HRK: variants seen among roughly 807,000 people sequenced by gnomAD.
HRK encodes activator of apoptosis harakiri.
A neutral mutation model predicts 5.9 loss-of-function variants in HRK; 6 were observed. The observed-to-expected ratio is 1.02, with a 90% CI of 0.56 to 2.01. The LOEUF is 2.01. Ranked by LOEUF, HRK falls within the 30% of genes most tolerant of loss-of-function variation. The pLI, the probability that HRK is intolerant of heterozygous loss-of-function variation, is 0.00. For missense variants in HRK, 133 were observed against 128.3 expected (o/e 1.04, Z -0.18); for synonymous variants, 85 against 65.1 (o/e 1.31, Z -1.47).
rs1403928572 is a variant in HRK, at chr12:116,862,701, T to A, written c.*57-1235A>T. 6.7e-6 allele frequency among the ~76,000 whole-genome samples: 1 copy of A among 149,256 alleles called. No individual in the cohort carries two copies. The highest frequency in any genetic ancestry group is 2.0e-4 in the East Asian group (1 of 5,074). ...CATTGACTTGTACACCTTAAAAAGG[T>A]AGGGTTTTTTGTTTGTTTGTTTGTT... On this transcript the variant is annotated intron_variant, in intron 1 of 1. Transcript: ENST00000257572. The surrounding 1 kb of genome is among the most constrained non-coding windows in gnomAD (Gnocchi z 4.0).
chr12:116,871,091 GTTTTT>G (rs1478716988), intron 1 of HRK, among the ~76,000 whole-genome samples: 2 of 138,496 alleles, frequency 1.4e-5, no homozygotes, highest in African/African-American at 6.3e-5. Flanking sequence ...GCTAATTTTT[GTTTTT>G]GTTTTGTTTT....
rs1878313470 is a variant in HRK, at chr12:116,860,319, G to A, written c.*1204C>T. ...TCTGAAAATAGTAGCTTATCCTTGG[G>A]GGGAAAAAAATCAGACCTCTGTCAA... On this transcript the variant is annotated 3_prime_UTR_variant, in exon 2 of 2. Coordinates refer to ENST00000257572, the MANE Select transcript of HRK (RefSeq NM_003806.4). The A allele has an allele frequency of 6.6e-6, 1 of 152,112 alleles. No individual in the cohort carries two copies. The highest frequency in any genetic ancestry group is 1.5e-5 in the Non-Finnish European group (1 of 68,028). 9.4% of individuals were successfully genotyped at this position (152,112 alleles called of 1,614,324 possible).
intron 1 of HRK, among the ~76,000 whole-genome samples, chr12:116,868,455 A>G (rs1442289471): frequency 6.6e-6 from 1 of 152,124 alleles, no homozygotes; most frequent in Non-Finnish European, 1.5e-5. Flanking sequence ...CATCTGTACA[A>G]TGACGGAGAT....
At chr12:116,871,068 G>A (rs1191363342) in intron 1 of HRK, among the ~76,000 whole-genome samples, 7 of 151,378 alleles carry the variant, frequency 4.6e-5, no homozygotes, top group Admixed American at 6.6e-5. Context: ...ACAGGCACGC[G>A]CCACCACGCC....
chr12:116,873,573 A>T (rs1236003453), intron 1 of HRK, among the ~76,000 whole-genome samples: 2 of 151,858 alleles, frequency 1.3e-5, no homozygotes, highest in Admixed American at 6.6e-5. Context: ...GGGTCTCACT[A>T]TATTGCCCAG....
At position 116,857,664 on chromosome 12, in the gene HRK, A is replaced by C. The variant is rs960778986; in HGVS notation, c.*3859T>G. The C allele has an allele frequency of 4.6e-5, 7 of 152,258 alleles. No homozygotes were observed. The highest frequency in any genetic ancestry group is 1.0e-4 in the Non-Finnish European group (7 of 68,052). 9.4% of individuals were successfully genotyped at this position (152,258 alleles called of 1,614,324 possible). A position where few individuals can be genotyped will look rare whatever the true frequency, so the allele number is the denominator to read the frequency against. Reference sequence around the variant, plus strand: ...ATAATAGGAGAACATGAGATCAGCTACATACATTGTGAAAACCAGTCACAG... The same window carrying C: ...ATAATAGGAGAACATGAGATCAGCTCCATACATTGTGAAAACCAGTCACAG... On this transcript the variant is annotated 3_prime_UTR_variant, in exon 2 of 2. Transcript: ENST00000257572.
intron 1 of HRK, among the ~76,000 whole-genome samples, chr12:116,868,224 G>A (rs931466200): frequency 2.6e-5 from 4 of 151,774 alleles, no homozygotes; most frequent in Admixed American, 2.6e-4. Context: ...CTGAGTAATG[G>A]GCACTACAGG....
intron 1 of HRK, among the ~76,000 whole-genome samples, chr12:116,874,786 G>A (rs780455051): frequency 2.6e-5 from 4 of 152,160 alleles, no homozygotes; most frequent in East Asian, 3.8e-4. Flanking sequence ...CAAGCCACAC[G>A]AAGAGGCTGA....
chr12:116,871,506 G>A (rs1878746822), intron 1 of HRK, among the ~76,000 whole-genome samples: 1 of 150,218 alleles, frequency 6.7e-6, no homozygotes, highest in Non-Finnish European at 1.5e-5. Context: ...GTTTCACCAT[G>A]TTGGTCAGGC....
In HRK at chr12:116,860,927, T is replaced by C. The variant is rs1878340683; in HGVS notation, c.*596A>G. 6.6e-6 allele frequency: 1 copy of C among 152,118 alleles called. No homozygotes were observed. Among genetic ancestry groups the C allele is most frequent in the Non-Finnish European group, 1.5e-5 (1 of 68,040 alleles). The allele number at this position is 152,118 out of a possible 1,614,324, so 9.4% of individuals were successfully genotyped here. A position where few individuals can be genotyped will look rare whatever the true frequency, so the allele number is the denominator to read the frequency against. ...CCTAGGTAAGTACAGAGGGAGAGGC[T>C]AGGACGAGTCAAGAAATGGAGGCAT... On this transcript the variant is annotated 3_prime_UTR_variant, in exon 2 of 2. Transcript: ENST00000257572.
In HRK at chr12:116,871,823, T is replaced by C. The variant is rs564146699; in HGVS notation, c.*56+9153A>G. ...TCTTTTTTCTTTTTTTAGTAAAGAT[T>C]GGGTCTCACTTTGTTGCCCTGGCTA... On this transcript the variant is annotated intron_variant, in intron 1 of 1. Coordinates refer to ENST00000257572, the MANE Select transcript of HRK (RefSeq NM_003806.4). 1.7e-4 allele frequency among the ~76,000 whole-genome samples: 26 copies of C among 151,930 alleles called. No homozygotes were observed. In the South Asian group the frequency reaches 5.2e-3, roughly 30 times the overall value.
intron 1 of HRK, among the ~76,000 whole-genome samples, chr12:116,880,462 T>C (rs1033924445): frequency 6.6e-6 from 1 of 151,786 alleles, no homozygotes; most frequent in East Asian, 1.9e-4. Context: ...GGGTGCCAGA[T>C]AATGGGGATC....
At position 116,858,146 on chromosome 12, in the gene HRK, A is replaced by T. The variant is rs1207995086; in HGVS notation, c.*3377T>A. 1 of 151,468 alleles carries T rather than the reference A, an allele frequency of 6.6e-6. No individual in the cohort carries two copies. The highest frequency in any genetic ancestry group is 1.5e-5 in the Non-Finnish European group (1 of 67,946). The allele number at this position is 151,468 out of a possible 1,614,324, so 9.4% of individuals were successfully genotyped here. On this transcript the variant is annotated 3_prime_UTR_variant, in exon 2 of 2. Transcript: ENST00000257572. ...AAAAAAAAAAAAAAACGAACAAAAA[A>T]ACAGGAACTGGGCTCTAAGAGATGC... is the stretch of plus-strand genomic sequence containing the variant.
At chr12:116,861,804 TG>T (rs1375163218) in intron 1 of HRK, among the ~76,000 whole-genome samples, 1 of 152,254 alleles carries the variant, frequency 6.6e-6, no homozygotes, top group Non-Finnish European at 1.5e-5. Context: ...ATGAACTTTT[TG>T]CTTCTCCAAA....
chr12:116,869,086 A>G (rs554358672), intron 1 of HRK, among the ~76,000 whole-genome samples: 1 of 151,674 alleles, frequency 6.6e-6, no homozygotes, highest in East Asian at 1.9e-4. Context: ...CGATCCTCCC[A>G]CCTCAGCCTC....
chr12:116,863,641 T>C lies in HRK; in HGVS notation c.*57-2175A>G, dbSNP rs948358612. ...ATGAGTCATAAACACATGGACCCCA[T>C]AGTCTATGTCAGCTGACAGTCACAA... On this transcript the variant is annotated intron_variant, in intron 1 of 1. Transcript: ENST00000257572. Among the ~76,000 whole-genome samples the C allele has an allele frequency of 2.6e-5, 4 of 152,008 alleles. No individual in the cohort carries two copies. In the South Asian group the frequency reaches 6.2e-4, roughly 24 times the overall value.
chr12:116,873,169 T>TA (rs896859369), intron 1 of HRK, among the ~76,000 whole-genome samples: 6 of 152,184 alleles, frequency 3.9e-5, no homozygotes, highest in African/African-American at 1.4e-4. Flanking sequence ...AGAGTCTCAT[T>TA]ATGTCACCCA....
intron 1 of HRK, among the ~76,000 whole-genome samples, chr12:116,865,668 C>T (rs1878516967): frequency 6.6e-6 from 1 of 152,224 alleles, no homozygotes; most frequent in Non-Finnish European, 1.5e-5. Context: ...TTAAGCCCCA[C>T]TCCCTTTCCC....
intron 1 of HRK, chr12:116,876,718 C>T (rs1309404531): frequency 6.6e-6 from 1 of 152,170 alleles, no homozygotes; most frequent in Admixed American, 6.5e-5. Flanking sequence ...TCCCTCTCTC[C>T]TGTATCTTTG....
Sources: gnomAD v4.1 joint callset for allele counts (sites outside exome capture counted in the v4.1 genomes callset) on GRCh38, gnomAD v4.1.1 for gene constraint, Gnocchi (gnomAD v3.1) non-coding constraint, MANE v1.5 for transcripts, NCBI Gene and HGNC (gene_info 2026-07-23, HGNC 2026-07-21) for gene names.